Variants in CSMD2 observed in about 807,000 individuals in gnomAD.
CSMD2 encodes the protein CUB and Sushi multiple domains 2.
Under a neutral mutation model 398.5 loss-of-function variants are expected in CSMD2, and 130 were observed. The observed-to-expected ratio is 0.33, with a 90% CI of 0.28 to 0.38. The LOEUF is 0.38. Ranked by LOEUF, CSMD2 falls within the 10% of genes least tolerant of loss-of-function variation. CSMD2 has a pLI of 1.00. For missense variants in CSMD2, 3,829 were observed against 4,764.9 expected (o/e 0.80, Z 5.78); for synonymous variants, 1,828 against 1,908.5 (o/e 0.96, Z 1.10).
intron 42 of CSMD2, among the ~76,000 whole-genome samples, chr1:33,604,164 C>G (rs1640422076): frequency 6.6e-6 from 1 of 152,198 alleles, no homozygotes; most frequent in African/African-American, 2.4e-5. Context: ...TCTTTTCTCT[C>G]TCCTGTGATG....
At chr1:33,909,452 AT>A (rs758083310) in intron 5 of CSMD2, among the ~76,000 whole-genome samples, 49 of 151,902 alleles carry the variant, frequency 3.2e-4, no homozygotes, top group Non-Finnish European at 6.9e-4. Context: ...TACTTTCTAC[AT>A]TTATGTTTGA....
chr1:33,744,455 G>A (rs1274646094), intron 13 of CSMD2, among the ~76,000 whole-genome samples: 4 of 152,056 alleles, frequency 2.6e-5, no homozygotes, highest in Non-Finnish European at 2.9e-5. Flanking sequence ...CCCTGTCCAC[G>A]TCCTGTTCTC....
intron 1 of CSMD2, among the ~76,000 whole-genome samples, chr1:34,129,569 A>G (rs1039802951): frequency 6.6e-6 from 1 of 152,200 alleles, no homozygotes; most frequent in African/African-American, 2.4e-5. Flanking sequence ...GGAGAATGGC[A>G]TGAACCCGGG....
At chr1:34,151,235 T>C (rs1386751313) in intron 1 of CSMD2, among the ~76,000 whole-genome samples, 1 of 152,136 alleles carries the variant, frequency 6.6e-6, no homozygotes, top group East Asian at 1.9e-4. Flanking sequence ...AACTTGGTTT[T>C]AAAAGGTATT....
At chr1:33,520,558 G>A (rs35907710) in intron 68 of CSMD2, among the ~76,000 whole-genome samples, 3 of 152,236 alleles carry the variant, frequency 2.0e-5, no homozygotes, top group African/African-American at 4.8e-5. Flanking sequence ...CCTTTGCAGC[G>A]TGCCTGGCCA....
chr1:34,140,541 G>T (rs1231165473), intron 1 of CSMD2, among the ~76,000 whole-genome samples: 1 of 152,126 alleles, frequency 6.6e-6, no homozygotes, highest in East Asian at 1.9e-4. Flanking sequence ...CAACCACGAG[G>T]GAGTACCAGG....
chr1:34,161,491 A>G (rs1641323410), intron 1 of CSMD2, among the ~76,000 whole-genome samples: 1 of 152,256 alleles, frequency 6.6e-6, no homozygotes, highest in South Asian at 2.1e-4. Flanking sequence ...TGTTAGTATT[A>G]GAGACTGAGA....
rs201649786 is a variant in CSMD2 at position 33,899,092 on chromosome 1, A to T, written c.920+19002T>A. Among the ~76,000 whole-genome samples the T allele has an allele frequency of 8.5e-5, 13 of 152,348 alleles. No homozygotes were observed. The East Asian group carries it at 1.9e-3, about 23-fold the overall frequency. The stretch of plus-strand genomic sequence containing the variant: ...ACAGACCAGCAACGAGAAGGACGTG[A>T]CGGATGTGGCTAAATGACACGGGCC... On this transcript the variant is annotated intron_variant, in intron 5 of 70. Transcript: ENST00000373381.
Position 33,544,844 on chromosome 1 carries a change from TATATATATATACAC to T in CSMD2, c.9100+1179_9100+1192del, listed in dbSNP as rs770141201. 1.1e-4 allele frequency among the ~76,000 whole-genome samples: 11 copies of T among 100,404 alleles called. No homozygotes were observed. The East Asian group carries it at 3.1e-3, about 28-fold the overall frequency. 65.9% of individuals were successfully genotyped at this position (100,404 alleles called of 152,430 possible). ...ACCACTGTGCATTTATATATATATA[TATATATATATACAC>T]ATATAATCTCTGCCTCACATTCACC... On this transcript the variant is annotated intron_variant, in intron 57 of 70. Transcript: ENST00000373381.
At chr1:33,676,127 G>A (rs1255678270) in intron 25 of CSMD2, among the ~76,000 whole-genome samples, 3 of 152,138 alleles carry the variant, frequency 2.0e-5, no homozygotes, top group Non-Finnish European at 4.4e-5. Flanking sequence ...GGCAGGAGAA[G>A]GAAATAAAGG....
chr1:33,897,605 G>A (rs775493780), intron 5 of CSMD2, among the ~76,000 whole-genome samples: 7 of 152,170 alleles, frequency 4.6e-5, no homozygotes, highest in Non-Finnish European at 4.4e-5. Flanking sequence ...CACTGCTTCC[G>A]TGGGGAGCAA....
At chr1:34,037,840 C>G (rs1651342902) in intron 2 of CSMD2, among the ~76,000 whole-genome samples, 1 of 152,160 alleles carries the variant, frequency 6.6e-6, no homozygotes, top group Non-Finnish European at 1.5e-5. Flanking sequence ...ATTAAAGATT[C>G]CTAGACCCTA....
intron 40 of CSMD2, 29 bp downstream of exon 40, chr1:33,614,475 T>G (rs1641252074): frequency 7.8e-7 from 1 of 1,283,516 alleles, no homozygotes; most frequent in Non-Finnish European, 1.1e-6. Flanking sequence ...GCTTGAAGCC[T>G]GTCTCCTCTG....
At chr1:33,712,745 C>G (rs1179339542) in intron 21 of CSMD2, among the ~76,000 whole-genome samples, 3 of 152,118 alleles carry the variant, frequency 2.0e-5, no homozygotes, top group Non-Finnish European at 2.9e-5. Flanking sequence ...GGATGCTTTC[C>G]CAGAGACTAA....
intron 3 of CSMD2, among the ~76,000 whole-genome samples, chr1:34,017,193 CCAA>C (rs1648250019): frequency 6.6e-6 from 1 of 152,154 alleles, no homozygotes; most frequent in Admixed American, 6.5e-5. Flanking sequence ...GCAGCCTACT[CCAA>C]TTTAGGGTAA....
intron 3 of CSMD2, among the ~76,000 whole-genome samples, chr1:33,991,012 GT>G (rs201996761): frequency 7.1e-4 from 102 of 142,860 alleles, no homozygotes; most frequent in Admixed American, 1.5e-3. Context: ...GGTGTTTTGG[GT>G]TTTTTTTTTT....
chr1:33,576,452 A>G (rs1660082875), intron 49 of CSMD2, among the ~76,000 whole-genome samples: 1 of 152,256 alleles, frequency 6.6e-6, no homozygotes, highest in South Asian at 2.1e-4. Flanking sequence ...TTAGCCAGGC[A>G]TGGTGGCGGG....
chr1:33,635,380 C>T lies in CSMD2; in HGVS notation c.4970-50G>A. On this transcript the variant is annotated intron_variant, in intron 30 of 70. Transcript: ENST00000373381. The surrounding 1 kb of genome is among the most constrained non-coding windows in gnomAD (Gnocchi z 5.0). ...TCAGGTGACCTTGTGGGCCTCTTAC[C>T]AGTGACCATCCTCTGTTCTGCCCCA... 9.0e-7 allele frequency: 1 copy of T among 1,114,008 alleles called. No homozygotes were observed. The highest frequency in any genetic ancestry group is 1.5e-5 in the African/African-American group (1 of 65,104). 69.0% of individuals were successfully genotyped at this position (1,114,008 alleles called of 1,614,324 possible). A position where few individuals can be genotyped will look rare whatever the true frequency, so the allele number is the denominator to read the frequency against.
At chr1:34,118,006 G>A (rs1438633169) in intron 1 of CSMD2, among the ~76,000 whole-genome samples, 2 of 152,128 alleles carry the variant, frequency 1.3e-5, no homozygotes, top group Non-Finnish European at 2.9e-5. Context: ...CTGAGGTCAG[G>A]AGTTCAAGAC....
Sources: allele counts gnomAD v4.1 joint callset (sites outside exome capture counted in the v4.1 genomes callset), GRCh38; gene constraint gnomAD v4.1.1; non-coding constraint Gnocchi (gnomAD v3.1); transcripts MANE v1.5; gene names NCBI Gene and HGNC (gene_info 2026-07-23, HGNC 2026-07-21).